Variants in DCC observed in about 807,000 individuals in gnomAD.
The protein encoded by DCC is DCC netrin 1 receptor, also known as netrin receptor DCC.
DCC carries 58 observed loss-of-function variants against 172.5 expected under a neutral mutation model. The ratio of observed to expected loss-of-function variants is 0.34; its 90% CI spans 0.27 to 0.42. The LOEUF is 0.42. Ranked by LOEUF, DCC falls within the 10% of genes least tolerant of loss-of-function variation. The pLI is 1.00. For synonymous variants in DCC, 709 were observed against 644.5 expected (o/e 1.10, Z -1.52); for missense variants, 1,740 against 1,791.0 (o/e 0.97, Z 0.51).
intron 1 of DCC, among the ~76,000 whole-genome samples, chr18:52,515,326 G>A (rs1156927148): frequency 9.2e-5 from 14 of 151,892 alleles, no homozygotes; most frequent in African/African-American, 2.7e-4. Flanking sequence ...GATCATAGAC[G>A]GCTGGGTGTG....
At chr18:52,427,565 AT>A (rs1410539918) in intron 1 of DCC, among the ~76,000 whole-genome samples, 1 of 152,008 alleles carries the variant, frequency 6.6e-6, no homozygotes, top group African/African-American at 2.4e-5. Flanking sequence ...GAAGACAAAT[AT>A]ACTCCCAATC....
chr18:52,885,592 C>G (rs139788500), intron 2 of DCC, among the ~76,000 whole-genome samples: 22 of 152,260 alleles, frequency 1.4e-4, no homozygotes, highest in African/African-American at 5.3e-4. Flanking sequence ...TCCAGACATG[C>G]TATCCAAGAT....
At chr18:52,691,633 G>A (rs1336843711) in intron 1 of DCC, among the ~76,000 whole-genome samples, 1 of 152,120 alleles carries the variant, frequency 6.6e-6, no homozygotes, top group Non-Finnish European at 1.5e-5. Flanking sequence ...CAGTCATTGG[G>A]TTCAGTGCCC....
intron 1 of DCC, among the ~76,000 whole-genome samples, chr18:52,681,052 T>C (rs1400606465): frequency 6.6e-6 from 1 of 152,132 alleles, no homozygotes; most frequent in Non-Finnish European, 1.5e-5. Context: ...ATTAAGTGCT[T>C]ACTCTATATC....
intron 12 of DCC, among the ~76,000 whole-genome samples, chr18:53,232,193 C>T (rs1024620191): frequency 6.6e-6 from 1 of 152,140 alleles, no homozygotes. Context: ...CCCCCTCCCC[C>T]TTCTCTCCAC....
chr18:53,037,185 G>A (rs1268877524), intron 5 of DCC, among the ~76,000 whole-genome samples: 1 of 151,962 alleles, frequency 6.6e-6, no homozygotes. Context: ...TAAACTGCAA[G>A]TGAAGCCATC....
chr18:52,401,042 G>A (rs1429797224), intron 1 of DCC, among the ~76,000 whole-genome samples: 1 of 151,828 alleles, frequency 6.6e-6, no homozygotes, highest in Non-Finnish European at 1.5e-5. Flanking sequence ...CTGTGTAACT[G>A]TGTATACATA....
intron 1 of DCC, among the ~76,000 whole-genome samples, chr18:52,422,342 T>C (rs16954952): frequency 1.3e-3 from 205 of 152,260 alleles, no homozygotes; most frequent in African/African-American, 4.7e-3. Flanking sequence ...CTGAGACTTG[T>C]GATAATATTT....
rs888335650 is a variant in DCC, at chr18:52,352,682, G to T, written c.91+11804G>T. 1.4e-4 allele frequency among the ~76,000 whole-genome samples: 22 copies of T among 152,188 alleles called. 1 individual carries two copies. Among genetic ancestry groups the T allele is most frequent in the Admixed American group, 3.9e-4 (6 of 15,282 alleles). On this transcript the variant is annotated intron_variant, in intron 1 of 28. Transcript: ENST00000442544. ...TGAGGGTCTTCTCTGTGGAGGAGTG[G>T]CTCTCATCTTGATTTTGTGTCAATG...
intron 2 of DCC, among the ~76,000 whole-genome samples, chr18:52,785,592 G>T (rs9956125): frequency 0.046 from 6,936 of 152,038 alleles, 239 homozygotes; most frequent in South Asian, 0.16. Flanking sequence ...CAGAAGAAAG[G>T]TGTGTCCATG....
intron 8 of DCC, among the ~76,000 whole-genome samples, chr18:53,170,879 G>T (rs563423155): frequency 1.3e-3 from 195 of 152,042 alleles, no homozygotes; most frequent in African/African-American, 3.7e-3. Flanking sequence ...TTTGTTTTTT[G>T]TTGTTGTTGT....
chr18:52,673,188 A>G (rs1460458143), intron 1 of DCC, among the ~76,000 whole-genome samples: 1 of 152,230 alleles, frequency 6.6e-6, no homozygotes, highest in Non-Finnish European at 1.5e-5. Context: ...GTTATATGAT[A>G]AAAGTCCCTC....
intron 1 of DCC, among the ~76,000 whole-genome samples, chr18:52,532,266 C>A (rs190059184): frequency 6.6e-6 from 1 of 152,152 alleles, no homozygotes; most frequent in Non-Finnish European, 1.5e-5. Flanking sequence ...ATACATTTTG[C>A]ATGTGATTAA....
chr18:52,593,222 A>G (rs1198990183), intron 1 of DCC, among the ~76,000 whole-genome samples: 1 of 152,114 alleles, frequency 6.6e-6, no homozygotes, highest in Non-Finnish European at 1.5e-5. Context: ...CCATTTTCCA[A>G]CTTACAGGGT....
At chr18:53,272,613 C>T (rs1346492196) in intron 12 of DCC, among the ~76,000 whole-genome samples, 1 of 152,102 alleles carries the variant, frequency 6.6e-6, no homozygotes, top group Non-Finnish European at 1.5e-5. Context: ...TCATTCATTC[C>T]TTCACATAGT....
intron 1 of DCC, among the ~76,000 whole-genome samples, chr18:52,641,454 T>C (rs2034888996): frequency 6.6e-6 from 1 of 152,084 alleles, no homozygotes; most frequent in African/African-American, 2.4e-5. Flanking sequence ...AAATCTTCAC[T>C]ATCTATACAT....
chr18:52,427,811 CCTTTCTTCCTTCCTTCCTTCCTTT>C (rs1366940163), intron 1 of DCC, among the ~76,000 whole-genome samples: 3 of 115,136 alleles, frequency 2.6e-5, no homozygotes, highest in East Asian at 3.2e-4. Context: ...TTCTTTTCTT[CCTTTCTTCCTTCCTTCCTTCCTTT>C]CTTCCTTCCT....
chr18:52,487,279 A>G (rs2030272737), intron 1 of DCC, among the ~76,000 whole-genome samples: 1 of 152,154 alleles, frequency 6.6e-6, no homozygotes. Context: ...TAAAACACAG[A>G]TGCAACTAGA....
At chr18:52,660,361 A>G (rs571989567) in intron 1 of DCC, among the ~76,000 whole-genome samples, 1 of 152,132 alleles carries the variant, frequency 6.6e-6, no homozygotes, top group African/African-American at 2.4e-5. Flanking sequence ...AGAATCCATG[A>G]AGGGACCAAG....
Sources: allele counts gnomAD v4.1 joint callset (sites outside exome capture counted in the v4.1 genomes callset), GRCh38; gene constraint gnomAD v4.1.1; transcripts MANE v1.5; gene names NCBI Gene and HGNC (gene_info 2026-07-23, HGNC 2026-07-21).